Variants in MSH3 observed in about 807,000 individuals in gnomAD.
MSH3 encodes the protein DNA mismatch repair protein Msh3.
A neutral mutation model predicts 123.3 loss-of-function variants in MSH3; 106 were observed. That is an observed-to-expected ratio of 0.86 (90% CI 0.73 to 1.01). The LOEUF (loss-of-function observed/expected upper bound fraction) is 1.01, where lower values mean the gene tolerates loss of function less well. Ranked by LOEUF, MSH3 falls within the 50% of genes least tolerant of loss-of-function variation. The probability of loss-of-function intolerance (pLI) is 0.00; values close to 1 mark genes in which losing one functional copy is unlikely to be tolerated. For synonymous variants in MSH3, 515 were observed against 481.4 expected, an observed-to-expected ratio of 1.07 and a Z score of -0.91; for missense variants, 1,459 against 1,347.6, an observed-to-expected ratio of 1.08 and a Z score of -1.29.
At chr5:80,677,143 T>G (rs889011212) in intron 7 of MSH3, among the ~76,000 whole-genome samples, 1 of 152,210 alleles carries the variant, frequency 6.6e-6, no homozygotes, top group Non-Finnish European at 1.5e-5. Flanking sequence ...TTATCTTCTT[T>G]TACCCTCGAC....
chr5:80,816,183 G>C (rs1644201), intron 20 of MSH3, among the ~76,000 whole-genome samples: 4 of 151,818 alleles, frequency 2.6e-5, no homozygotes, highest in African/African-American at 9.7e-5. Context: ...TGAAAGCTAT[G>C]TAGTGGAGAA....
At chr5:80,837,097 A>G (rs1356146681) in intron 20 of MSH3, among the ~76,000 whole-genome samples, 2 of 152,146 alleles carry the variant, frequency 1.3e-5, no homozygotes, top group Non-Finnish European at 2.9e-5. Context: ...TTTGAATTTT[A>G]TTTTCCAGGC....
chr5:80,799,500 CTT>C (rs746348952), intron 19 of MSH3, among the ~76,000 whole-genome samples: 665 of 32,134 alleles, frequency 0.021, 4 homozygotes, highest in African/African-American at 0.033. Flanking sequence ...GAAGATAGCA[CTT>C]TTTTTTTTTT....
intron 12 of MSH3, among the ~76,000 whole-genome samples, chr5:80,754,972 G>A (rs951291831): frequency 6.6e-6 from 1 of 152,176 alleles, no homozygotes; most frequent in Admixed American, 6.5e-5. Context: ...ACACCGGGAA[G>A]CCCTCTGTAT....
rs183513452 is a variant in MSH3, at chr5:80,863,386, T to C, written c.3001-1427T>C. Among the ~76,000 whole-genome samples the C allele has an allele frequency of 1.7e-3, 258 of 152,176 alleles. 6 individuals are homozygous for C. In the East Asian group the frequency reaches 0.045, roughly 27 times the overall value. On this transcript the variant is annotated intron_variant, in intron 21 of 23. Coordinates refer to ENST00000265081, the MANE Select transcript of MSH3 (RefSeq NM_002439.5). ...CAAATACATTTAAGAAATACATTGG[T>C]TTGGCCGGGTGCAGTGGCTCACACC...
intron 22 of MSH3, among the ~76,000 whole-genome samples, chr5:80,872,384 C>G (rs1167159218): frequency 6.6e-6 from 1 of 152,108 alleles, no homozygotes; most frequent in Non-Finnish European, 1.5e-5. Context: ...GGATAATCAC[C>G]TTGAACCTGG....
At chr5:80,667,597 G>A (rs573584947) in intron 3 of MSH3, among the ~76,000 whole-genome samples, 5 of 152,224 alleles carry the variant, frequency 3.3e-5, no homozygotes, top group Non-Finnish European at 5.9e-5. Context: ...GGGTGTGTGA[G>A]CAGGTGACCA....
intron 8 of MSH3, among the ~76,000 whole-genome samples, chr5:80,719,125 G>A (rs10044730): frequency 0.35 from 52,222 of 150,898 alleles, 9,093 homozygotes; most frequent in Non-Finnish European, 0.37. Flanking sequence ...TCGGCTCAGT[G>A]CAACCCCCGC....
Position 80,744,552 on chromosome 5 carries a change from C to T in MSH3, c.1700C>T (p.Thr567Ile), listed in dbSNP as rs945510244. 6.2e-7 allele frequency: 1 copy of T among 1,613,894 alleles called. No individual in the cohort carries two copies. Among genetic ancestry groups the T allele is most frequent in the Admixed American group, 1.7e-5 (1 of 60,008 alleles). Reference protein sequence around the residue: ...KGSLLWVLDHTKTSFGRRKLK... With the variant: ...KGSLLWVLDHIKTSFGRRKLK... ...AGTTTGCTGTGGGTTTTAGACCACA[C>T]TAAAACTTCATTTGGGAGACGGAAG... Residue 567 changes from threonine to isoleucine, a missense_variant, in exon 12 of 24, where the codon ACT (threonine) becomes ATT (isoleucine). Physicochemically the swap from Thr to Ile is moderately conservative, Grantham distance 89 (BLOSUM62 -1). Coordinates refer to ENST00000265081, the MANE Select transcript of MSH3 (RefSeq NM_002439.5).
rs1744351269 is a variant in MSH3 at position 80,778,757 on chromosome 5, G to A, written c.2356G>A (p.Val786Ile). The A allele has an allele frequency of 1.9e-6, 3 of 1,612,808 alleles. No homozygotes were observed. The African/African-American group carries it at 4.0e-5, about 22-fold the overall frequency. ...GAGCCGCTTTCACTCTCCTTTTATT[G>A]TAGAAAATTACAGACATCTGAATCA... ...AVSRFHSPFI[V>I]ENYRHLNQLR... The change falls in exon 17 of 24, where the codon GTA (valine) becomes ATA (isoleucine). Residue 786 changes from valine to isoleucine, a missense_variant. Val to Ile is a conservative substitution (Grantham distance 29, BLOSUM62 3). Coordinates refer to ENST00000265081, the MANE Select transcript of MSH3 (RefSeq NM_002439.5).
chr5:80,751,164 AGCATG>A (rs1294679762), intron 12 of MSH3, among the ~76,000 whole-genome samples: 5 of 152,206 alleles, frequency 3.3e-5, no homozygotes, highest in African/African-American at 1.2e-4. Flanking sequence ...AACTTGTTAG[AGCATG>A]TCTCAATAGG....
At chr5:80,678,131 A>G (rs909474038) in intron 7 of MSH3, among the ~76,000 whole-genome samples, 6 of 152,178 alleles carry the variant, frequency 3.9e-5, no homozygotes, top group African/African-American at 1.4e-4. Context: ...CTTTTTAGCT[A>G]ATGCAGCCTG....
At chr5:80,841,457 C>G (rs1318338449) in intron 20 of MSH3, among the ~76,000 whole-genome samples, 2 of 152,194 alleles carry the variant, frequency 1.3e-5, no homozygotes, top group Non-Finnish European at 2.9e-5. Context: ...ATCTCTAGTT[C>G]TAGATCCTTG....
intron 19 of MSH3, among the ~76,000 whole-genome samples, chr5:80,810,172 C>CATACATATATATATATATATAT (rs375421949): frequency 6.6e-5 from 8 of 121,588 alleles, no homozygotes; most frequent in Non-Finnish European, 1.2e-4. Context: ...GTTTGACATA[C>CATACATATATATATATATATAT]ATATATATAT....
At chr5:80,735,507 T>C (rs544850952) in intron 10 of MSH3, among the ~76,000 whole-genome samples, 1 of 150,624 alleles carries the variant, frequency 6.6e-6, no homozygotes, top group African/African-American at 2.4e-5. Context: ...GGTAACACGA[T>C]GAAACCCCAT....
intron 17 of MSH3, among the ~76,000 whole-genome samples, chr5:80,784,227 A>AAC (rs1744461096): frequency 2.8e-5 from 4 of 140,438 alleles, no homozygotes; most frequent in African/African-American, 1.1e-4. Flanking sequence ...AAAAAAAAAA[A>AAC]AAAAAAAAAA....
chr5:80,870,191 A>AAAG (rs1746188414), intron 22 of MSH3, among the ~76,000 whole-genome samples: 1 of 151,734 alleles, frequency 6.6e-6, no homozygotes, highest in South Asian at 2.1e-4. Context: ...AAAAAAAAAA[A>AAAG]AAATTCATTA....
At chr5:80,767,625 T>C (rs1174746617) in intron 13 of MSH3, among the ~76,000 whole-genome samples, 1 of 152,172 alleles carries the variant, frequency 6.6e-6, no homozygotes, top group Non-Finnish European at 1.5e-5. Context: ...CTTACAGATA[T>C]TATCCTTCAC....
chr5:80,766,504 C>A (rs1744126993), intron 13 of MSH3, among the ~76,000 whole-genome samples: 1 of 151,894 alleles, frequency 6.6e-6, no homozygotes, highest in Non-Finnish European at 1.5e-5. Context: ...GCCACCACAC[C>A]CAGCTAATTT....
Sources: allele counts gnomAD v4.1 joint callset (sites outside exome capture counted in the v4.1 genomes callset), GRCh38; gene constraint gnomAD v4.1.1; transcripts MANE v1.5; gene names NCBI Gene and HGNC (gene_info 2026-07-23, HGNC 2026-07-21).